Variants in PPIG observed in about 807,000 individuals in gnomAD.
PPIG encodes the protein peptidylprolyl isomerase G, also known as peptidyl-prolyl cis-trans isomerase G.
In PPIG, 26 loss-of-function variants were observed where a neutral mutation model predicts 87.9. The observed-to-expected ratio is 0.30, with a 90% confidence interval of 0.22 to 0.41. The LOEUF (loss-of-function observed/expected upper bound fraction) is 0.41. Ranked by LOEUF, PPIG falls within the 10% of genes least tolerant of loss-of-function variation. PPIG has a pLI of 1.00. For missense variants in PPIG, 722 were observed against 879.4 expected (o/e 0.82, Z 2.26); for synonymous variants, 308 against 276.5 (o/e 1.11, Z -1.13).
intron 11 of PPIG, 135 bp downstream of exon 11, chr2:169,632,068 G>T (rs577773263): frequency 8.3e-7 from 1 of 1,205,090 alleles, no homozygotes. Flanking sequence ...ATGTTCTTCC[G>T]CAAAGTTCTT....
rs1361455078 is a variant in PPIG at position 169,584,824 on chromosome 2, C to T, written c.-70+334C>T. On this transcript the variant is annotated intron_variant, in intron 1 of 13. Transcript: ENST00000260970. ...CGCACAAGCTGTAACATGGCGGCAG[C>T]GACTGCGGCCTGAACTCTAGGGAGC... The T allele has an allele frequency of 3.4e-5, 10 of 293,880 alleles. No homozygotes were observed. The Admixed American group carries it at 4.7e-4, about 14-fold the overall frequency. 18.2% of individuals were successfully genotyped at this position (293,880 alleles called of 1,614,324 possible).
At chr2:169,613,172 A>G (rs921412057) in intron 7 of PPIG, among the ~76,000 whole-genome samples, 1 of 152,240 alleles carries the variant, frequency 6.6e-6, no homozygotes, top group African/African-American at 2.4e-5. Context: ...ATGCATTGTG[A>G]CTATAACATG....
intron 1 of PPIG, among the ~76,000 whole-genome samples, chr2:169,595,804 T>C (rs1012850969): frequency 2.6e-5 from 4 of 152,232 alleles, no homozygotes; most frequent in African/African-American, 9.6e-5. Context: ...TTTTGTTTTG[T>C]TTTGTTTTTT....
chr2:169,637,092 C>A lies in PPIG; in HGVS notation c.1834C>A (p.Pro612Thr), dbSNP rs767005582. 1 of 1,612,870 alleles carries A rather than the reference C, an allele frequency of 6.2e-7. No individual in the cohort carries two copies. The highest frequency in any genetic ancestry group is 1.1e-5 in the South Asian group (1 of 90,958). Reference protein sequence around the residue: ...GRSRSRERRTPPGRSRSKDRR... With the variant: ...GRSRSRERRTTPGRSRSKDRR... ...GTCACGAAGCCGAGAGAGAAGAACA[C>A]CACCAGGAAGATCAAGAAGTAAAGA... The change falls in exon 14 of 14, where the codon CCA becomes ACA. Residue 612 changes from proline (P) to threonine (T), a missense_variant. Physicochemically the swap from Pro to Thr is conservative, Grantham distance 38. Transcript: ENST00000260970.
At chr2:169,599,860 C>G (rs991980487) in intron 1 of PPIG, among the ~76,000 whole-genome samples, 4 of 152,144 alleles carry the variant, frequency 2.6e-5, no homozygotes, top group Non-Finnish European at 4.4e-5. Flanking sequence ...TTCTCAGCAA[C>G]TATGACAATG....
Position 169,619,513 on chromosome 2 carries a change from T to G in PPIG, c.547+4789T>G, listed in dbSNP as rs1182532147. On this transcript the variant is annotated intron_variant, in intron 9 of 13. Coordinates refer to ENST00000260970, the MANE Select transcript of PPIG (RefSeq NM_004792.3). ...TTATTGTGTGGGAGTCTAAGTCTCTTTGTAGGTCTCTAAGAACTTGCTTTA... is the reference window on the plus strand; with the variant it reads ...TTATTGTGTGGGAGTCTAAGTCTCTGTGTAGGTCTCTAAGAACTTGCTTTA... 3.3e-5 allele frequency among the ~76,000 whole-genome samples: 5 copies of G among 152,156 alleles called. No individual in the cohort carries two copies. The East Asian group carries it at 9.6e-4, about 29-fold the overall frequency.
At chr2:169,618,741 T>C (rs1238006365) in intron 9 of PPIG, among the ~76,000 whole-genome samples, 8 of 152,162 alleles carry the variant, frequency 5.3e-5, no homozygotes, top group Non-Finnish European at 1.0e-4. Context: ...GATTCTTCTC[T>C]CTTTTCTTCT....
At chr2:169,631,141 A>C (rs919477560) in intron 10 of PPIG, among the ~76,000 whole-genome samples, 154 bp downstream of exon 10, 4 of 152,160 alleles carry the variant, frequency 2.6e-5, no homozygotes, top group Non-Finnish European at 4.4e-5. Flanking sequence ...TATAGATTAA[A>C]TTTTGGGTAC....
chr2:169,635,481 CAT>C (rs529607410), intron 12 of PPIG, among the ~76,000 whole-genome samples: 300 of 152,242 alleles, frequency 2.0e-3, no homozygotes, highest in African/African-American at 6.8e-3. Context: ...ATATGTTTAA[CAT>C]ATGTGATTAT....
intron 1 of PPIG, among the ~76,000 whole-genome samples, chr2:169,590,893 GC>G (rs1684847050): frequency 2.6e-5 from 4 of 152,270 alleles, no homozygotes; most frequent in Non-Finnish European, 5.9e-5. Context: ...TTTAGTCCCA[GC>G]TACTCGGGAG....
At chr2:169,605,520 G>A (rs1227887415) in intron 4 of PPIG, among the ~76,000 whole-genome samples, 1 of 151,718 alleles carries the variant, frequency 6.6e-6, no homozygotes, top group Non-Finnish European at 1.5e-5. Flanking sequence ...AAAAATAGAG[G>A]CCAAGTGTGG....
rs1027282085 is a variant in PPIG, at chr2:169,638,501, GTTTGT to G, written c.*982_*986del. 5.9e-5 allele frequency: 9 copies of G among 152,012 alleles called. No homozygotes were observed. Among genetic ancestry groups the G allele is most frequent in the African/African-American group, 2.2e-4 (9 of 41,512 alleles). The allele number at this position is 152,012 out of a possible 1,614,324, so 9.4% of individuals were successfully genotyped here. On this transcript the variant is annotated 3_prime_UTR_variant, in exon 14 of 14. Transcript: ENST00000260970. ...TGAGTGTTAACTCTGCATGGATTTT[GTTTGT>G]TTTAATTGAACTGACTTCTCTAACT...
intron 11 of PPIG, among the ~76,000 whole-genome samples, chr2:169,632,781 T>C (rs1686091519): frequency 6.6e-6 from 1 of 150,556 alleles, no homozygotes; most frequent in Non-Finnish European, 1.5e-5. Flanking sequence ...TGTCCAAAAG[T>C]AGAAAAAGGA....
intron 1 of PPIG, among the ~76,000 whole-genome samples, chr2:169,597,101 T>C (rs913947977): frequency 6.6e-5 from 10 of 152,152 alleles, no homozygotes; most frequent in African/African-American, 2.2e-4. Flanking sequence ...AGTGAAGATA[T>C]CTCCTTGATA....
chr2:169,588,224 G>A (rs1684760279), intron 1 of PPIG, among the ~76,000 whole-genome samples: 1 of 151,950 alleles, frequency 6.6e-6, no homozygotes, highest in South Asian at 2.1e-4. Context: ...AAAAATGAAC[G>A]AAGCATATTC....
Position 169,607,113 on chromosome 2 carries a change from G to T in PPIG, c.254G>T (p.Arg85Leu). The T allele has an allele frequency of 6.4e-7, 1 of 1,569,434 alleles. No homozygotes were observed. Among genetic ancestry groups the T allele is most frequent in the Non-Finnish European group, 8.7e-7 (1 of 1,144,098 alleles). The stretch of plus-strand genomic sequence containing the variant: ...TGTTTTTCATTTTTAGGAAATGGAC[G>T]AGGAGGGGAATCTATCTATGGAGGA... ...QGGDFSEGNG[R>L]GGESIYGGFF... is the part of the protein sequence containing the mutation. Residue 85 changes from arginine (R) to leucine (L), a missense_variant, in exon 6 of 14, where the codon CGA becomes CTA. Arg to Leu is a moderately radical substitution (Grantham distance 102). Transcript: ENST00000260970.
In PPIG at chr2:169,599,552, C is replaced by A. The variant is rs571959669; in HGVS notation, c.-69-4090C>A. On this transcript the variant is annotated intron_variant, in intron 1 of 13. Transcript: ENST00000260970. ...AGAATTAGTAAAATGTTAAAAGGTA[C>A]AATGAATATGAATATATTCAAGATT... Among the ~76,000 whole-genome samples the A allele has an allele frequency of 7.9e-5, 12 of 152,148 alleles. No homozygotes were observed. The South Asian group carries it at 2.5e-3, about 32-fold the overall frequency.
At position 169,637,083 on chromosome 2, in the gene PPIG, A is replaced by G. The variant is rs770139963; in HGVS notation, c.1825A>G (p.Arg609Gly). The G allele has an allele frequency of 1.9e-6, 3 of 1,612,446 alleles. No individual in the cohort carries two copies. Among genetic ancestry groups the G allele is most frequent in the African/African-American group, 2.7e-5 (2 of 74,886 alleles). The change falls in exon 14 of 14, where the codon AGA (arginine) becomes GGA (glycine). Residue 609 changes from arginine (R) to glycine (G), a missense_variant. Coordinates refer to ENST00000260970, the MANE Select transcript of PPIG (RefSeq NM_004792.3). ...AAGAGGACGGTCACGAAGCCGAGAG[A>G]GAAGAACACCACCAGGAAGATCAAG... ...RRRGRSRSRERRTPPGRSRSK... is the reference protein window; with the variant it reads ...RRRGRSRSREGRTPPGRSRSK...
intron 7 of PPIG, among the ~76,000 whole-genome samples, chr2:169,612,040 A>G (rs919669741): frequency 2.6e-5 from 4 of 152,280 alleles, no homozygotes; most frequent in Admixed American, 2.0e-4. Context: ...CAGTGGCACA[A>G]TCATAGCTCA....
Sources: allele counts gnomAD v4.1 joint callset (sites outside exome capture counted in the v4.1 genomes callset), GRCh38; gene constraint gnomAD v4.1.1; transcripts MANE v1.5; gene names NCBI Gene and HGNC (gene_info 2026-07-23, HGNC 2026-07-21).